Variants in FKBP6 observed in about 807,000 individuals in gnomAD.
FKBP6 encodes the protein FKBP prolyl isomerase family member 6 (inactive), also known as inactive peptidyl-prolyl cis-trans isomerase FKBP6.
FKBP6 carries 29 observed loss-of-function variants against 41.7 expected under a neutral mutation model. The ratio of observed to expected loss-of-function variants is 0.70; its 90% confidence interval spans 0.52 to 0.95. The LOEUF (loss-of-function observed/expected upper bound fraction) is 0.95. FKBP6 is among the 40% of genes least tolerant of loss of function. The pLI, the probability that FKBP6 is intolerant of heterozygous loss-of-function variation, is 0.00. For synonymous variants in FKBP6, 130 were observed against 165.1 expected (o/e 0.79, Z 1.63); for missense variants, 338 against 408.7 (o/e 0.83, Z 1.49).
chr7:73,336,606 G>A (rs949714450), intron 5 of FKBP6, among the ~76,000 whole-genome samples: 13 of 152,026 alleles, frequency 8.6e-5, no homozygotes, highest in Non-Finnish European at 8.8e-5. Context: ...ATCAGCTCTG[G>A]GAGGAATATT....
rs1389312506 is a variant in FKBP6, at chr7:73,334,130, TTAC to T, written c.588+2362_588+2364del. Among the ~76,000 whole-genome samples the T allele has an allele frequency of 2.0e-4, 30 of 152,278 alleles. 1 individual carries two copies. Among genetic ancestry groups the T allele is most frequent in the African/African-American group, 7.0e-4 (29 of 41,564 alleles). On this transcript the variant is annotated intron_variant, in intron 5 of 8. Transcript: ENST00000252037. ...AGCTAACAACAACAACAAAAAAATC[TTAC>T]TACTACTTAGGTTCTTTATTCCTTT...
At chr7:73,341,466 A>G in intron 7 of FKBP6, 84 bp downstream of exon 7, 1 of 911,466 alleles carries the variant, frequency 1.1e-6, no homozygotes, top group South Asian at 1.3e-5. Flanking sequence ...AACAAAGGAC[A>G]GTCTGGCGGT....
intron 5 of FKBP6, among the ~76,000 whole-genome samples, chr7:73,333,271 CAA>C (rs201812607): frequency 7.0e-5 from 8 of 114,464 alleles, no homozygotes; most frequent in South Asian, 2.9e-4. Flanking sequence ...ATTCTGTCTC[CAA>C]AAAAAAAAAA....
chr7:73,334,523 C>T (rs1484756553), intron 5 of FKBP6, among the ~76,000 whole-genome samples: 1 of 151,946 alleles, frequency 6.6e-6, no homozygotes, highest in African/African-American at 2.4e-5. Flanking sequence ...GTGACTCACA[C>T]CTATAATCCC....
chr7:73,354,877 C>T (rs986653408), intron 8 of FKBP6, among the ~76,000 whole-genome samples: 5 of 152,142 alleles, frequency 3.3e-5, no homozygotes, highest in Non-Finnish European at 5.9e-5. Context: ...GCTGGGGCTG[C>T]GAGGCAGGGC....
At chr7:73,353,737 C>CTT (rs143724446) in intron 8 of FKBP6, among the ~76,000 whole-genome samples, 12 of 144,532 alleles carry the variant, frequency 8.3e-5, no homozygotes, top group Non-Finnish European at 1.7e-4. Flanking sequence ...TTTTTTTCTT[C>CTT]TTTTTTTTTT....
chr7:73,342,985 TGCAGC>T, intron 8 of FKBP6, 86 bp downstream of exon 8: 1 of 931,470 alleles, frequency 1.1e-6, no homozygotes, highest in South Asian at 1.3e-5. Context: ...GGTGGCTGTC[TGCAGC>T]TGAGGGTGGA....
At chr7:73,346,557 T>G (rs1353134664) in intron 8 of FKBP6, among the ~76,000 whole-genome samples, 2 of 152,054 alleles carry the variant, frequency 1.3e-5, no homozygotes, top group African/African-American at 4.8e-5. Context: ...CTCCTTGGAA[T>G]GTGGGTGGCA....
intron 8 of FKBP6, among the ~76,000 whole-genome samples, chr7:73,354,621 T>A (rs782563795): frequency 6.6e-6 from 1 of 152,210 alleles, no homozygotes; most frequent in Non-Finnish European, 1.5e-5. Flanking sequence ...TTCTTAAGAT[T>A]GGCTGAGTAA....
At position 73,353,651 on chromosome 7, in the gene FKBP6, G is replaced by A. The variant is rs552879126; in HGVS notation, c.*3-4530G>A. Among the ~76,000 whole-genome samples, 7 of 152,146 alleles carry A rather than the reference G, an allele frequency of 4.6e-5. No homozygotes were observed. In the East Asian group the frequency reaches 1.2e-3, roughly 25 times the overall value. ...CTACAACCCCACATCAAGCAAGTCCGTTGGTGCCATTTTTCCAACAGCATG... is the reference window on the plus strand; with the variant it reads ...CTACAACCCCACATCAAGCAAGTCCATTGGTGCCATTTTTCCAACAGCATG... On this transcript the variant is annotated intron_variant, in intron 8 of 8. Transcript: ENST00000252037.
At chr7:73,339,969 T>G (rs1189186058) in intron 5 of FKBP6, among the ~76,000 whole-genome samples, 3 of 152,232 alleles carry the variant, frequency 2.0e-5, no homozygotes, top group African/African-American at 4.8e-5. Flanking sequence ...TGTTGAAATT[T>G]TGGTAGGGTT....
intron 5 of FKBP6, among the ~76,000 whole-genome samples, chr7:73,333,985 T>C (rs1278341839): frequency 6.6e-6 from 1 of 152,036 alleles, no homozygotes; most frequent in African/African-American, 2.4e-5. Context: ...GGCAGGATAA[T>C]TGCTTGAACC....
At chr7:73,347,551 A>G (rs782543835) in intron 8 of FKBP6, among the ~76,000 whole-genome samples, 6 of 152,220 alleles carry the variant, frequency 3.9e-5, no homozygotes, top group Non-Finnish European at 5.9e-5. Flanking sequence ...CTTCTCTTAC[A>G]TTACTACTTG....
At chr7:73,332,041 T>A (rs928807182) in intron 5 of FKBP6, among the ~76,000 whole-genome samples, 3 of 152,002 alleles carry the variant, frequency 2.0e-5, no homozygotes, top group Admixed American at 2.0e-4. Context: ...TTTTTTTGTA[T>A]TTTTAGTAGA....
At chr7:73,341,997 G>A (rs1389512987) in intron 7 of FKBP6, among the ~76,000 whole-genome samples, 4 of 151,720 alleles carry the variant, frequency 2.6e-5, no homozygotes, top group African/African-American at 9.7e-5. Context: ...CTTCTGGTGC[G>A]CTCTTCCCTG....
chr7:73,340,264 C>T (rs1805131576), intron 5 of FKBP6, among the ~76,000 whole-genome samples: 2 of 152,140 alleles, frequency 1.3e-5, no homozygotes, highest in South Asian at 4.1e-4. Flanking sequence ...CATGGTGGCT[C>T]ACGCCTGTAA....
At chr7:73,344,593 ATTT>A (rs34168874) in intron 8 of FKBP6, among the ~76,000 whole-genome samples, 19 of 150,986 alleles carry the variant, frequency 1.3e-4, no homozygotes, top group South Asian at 2.1e-4. Flanking sequence ...AACCAGGACA[ATTT>A]TTTTTTTTTT....
intron 8 of FKBP6, 93 bp from the exon 9 acceptor site, chr7:73,358,088 G>A (rs1323052748): frequency 2.0e-5 from 3 of 151,848 alleles, no homozygotes; most frequent in African/African-American, 7.3e-5. Context: ...GCCCTTCCCT[G>A]ACCTCAGCTG....
At chr7:73,348,329 C>T (rs1476554975) in intron 8 of FKBP6, among the ~76,000 whole-genome samples, 1 of 152,078 alleles carries the variant, frequency 6.6e-6, no homozygotes, top group Non-Finnish European at 1.5e-5. Context: ...CTCAAAGTTA[C>T]ATAACGAATA....
Sources: gnomAD v4.1 joint callset for allele counts (sites outside exome capture counted in the v4.1 genomes callset) on GRCh38, gnomAD v4.1.1 for gene constraint, MANE v1.5 for transcripts, NCBI Gene and HGNC (gene_info 2026-07-23, HGNC 2026-07-21) for gene names.